Variants in CDH22 observed in about 807,000 individuals in gnomAD.
CDH22 encodes cadherin 22, also known as cadherin-22.
CDH22 carries 30 observed loss-of-function variants against 58.4 expected under a neutral mutation model. That is an observed-to-expected ratio of 0.51 (90% CI 0.38 to 0.70). The LOEUF (loss-of-function observed/expected upper bound fraction) is 0.70, where lower values mean the gene tolerates loss of function less well. Ranked by LOEUF, CDH22 falls within the 30% of genes least tolerant of loss-of-function variation. The pLI is 0.00. For synonymous variants in CDH22, 513 were observed against 558.2 expected (o/e 0.92, Z 1.14); for missense variants, 1,014 against 1,233.9 (o/e 0.82, Z 2.67).
intron 7 of CDH22, among the ~76,000 whole-genome samples, chr20:46,200,099 G>C (rs112971251): frequency 0.053 from 8,038 of 151,818 alleles, 303 homozygotes; most frequent in Middle Eastern, 0.12. Flanking sequence ...TCAGTCTCCC[G>C]AGTAGCTGGG....
intron 10 of CDH22, among the ~76,000 whole-genome samples, chr20:46,181,590 C>T (rs189390293): frequency 8.0e-5 from 12 of 149,828 alleles, no homozygotes; most frequent in Admixed American, 4.0e-4. Flanking sequence ...CCCTTCCTTC[C>T]CTTCCTTCCC....
intron 1 of CDH22, among the ~76,000 whole-genome samples, chr20:46,286,411 T>C (rs1290429348): frequency 6.6e-6 from 1 of 152,126 alleles, no homozygotes; most frequent in Non-Finnish European, 1.5e-5. Context: ...CTTTAAAAAG[T>C]GCGGACCGAC....
intron 1 of CDH22, among the ~76,000 whole-genome samples, chr20:46,269,081 C>T (rs1244705425): frequency 1.3e-5 from 2 of 152,176 alleles, no homozygotes; most frequent in Non-Finnish European, 2.9e-5. Context: ...CCCTGTGACC[C>T]CTCAGAAGGG....
chr20:46,187,732 A>G (rs2085836485), intron 8 of CDH22, among the ~76,000 whole-genome samples: 1 of 151,724 alleles, frequency 6.6e-6, no homozygotes, highest in Admixed American at 6.6e-5. Flanking sequence ...GGCCCCCAAC[A>G]ACACTGTCAT....
chr20:46,221,530 C>G (rs2086125741), intron 4 of CDH22, among the ~76,000 whole-genome samples: 1 of 152,146 alleles, frequency 6.6e-6, no homozygotes, highest in Admixed American at 6.5e-5. Flanking sequence ...GACTGTGTTC[C>G]AGGACAGTAA....
chr20:46,186,166 G>A (rs934332586), intron 10 of CDH22, among the ~76,000 whole-genome samples: 6 of 145,786 alleles, frequency 4.1e-5, no homozygotes, highest in African/African-American at 1.6e-4. Flanking sequence ...ACGAGCCACT[G>A]CACTCCAGCC....
chr20:46,273,459 C>T (rs2086502196), intron 1 of CDH22, among the ~76,000 whole-genome samples: 2 of 152,108 alleles, frequency 1.3e-5, no homozygotes, highest in South Asian at 4.1e-4. Flanking sequence ...ATGGCTAATC[C>T]CTAGGACTTT....
chr20:46,252,529 A>G (rs1469940409), intron 1 of CDH22, among the ~76,000 whole-genome samples: 4 of 152,236 alleles, frequency 2.6e-5, no homozygotes, highest in Non-Finnish European at 5.9e-5. Flanking sequence ...TCAAGCCATA[A>G]GATGAATAAT....
At chr20:46,177,622 C>T (rs2085750415) in intron 11 of CDH22, among the ~76,000 whole-genome samples, 1 of 152,146 alleles carries the variant, frequency 6.6e-6, no homozygotes, top group African/African-American at 2.4e-5. Context: ...TTCACAAGAG[C>T]CCTTTTTACT....
At position 46,210,200 on chromosome 20, in the gene CDH22, C is replaced by T. The variant is rs374003685; in HGVS notation, c.1286+107G>A. On this transcript the variant is annotated intron_variant, in intron 7 of 11. Transcript: ENST00000537909. This position sits in a 1 kb window ranked among gnomAD's most constrained non-coding sequence, Gnocchi z 4.5. Reference sequence around the variant, plus strand: ...CCTCCCTCCCCCACGCAGCCCCTTCCTTCGGCCCTGCCCGCCCCAGCCCTC... The same window carrying T: ...CCTCCCTCCCCCACGCAGCCCCTTCTTTCGGCCCTGCCCGCCCCAGCCCTC... 1 of 1,195,344 alleles carries T rather than the reference C, an allele frequency of 8.4e-7. No homozygotes were observed. 74.0% of individuals were successfully genotyped at this position (1,195,344 alleles called of 1,614,324 possible). A position where few individuals can be genotyped will look rare whatever the true frequency, so the allele number is the denominator to read the frequency against.
chr20:46,291,425 A>T (rs2086602066), intron 1 of CDH22, among the ~76,000 whole-genome samples: 1 of 152,228 alleles, frequency 6.6e-6, no homozygotes, highest in Non-Finnish European at 1.5e-5. Flanking sequence ...TGTGATGGGT[A>T]CTACCATAAT....
At chr20:46,291,914 CTA>C (rs2086605355) in intron 1 of CDH22, among the ~76,000 whole-genome samples, 1 of 152,236 alleles carries the variant, frequency 6.6e-6, no homozygotes, top group South Asian at 2.1e-4. Flanking sequence ...TTCTTGGCCT[CTA>C]CCCATTGAAT....
chr20:46,251,436 G>T lies in CDH22; in HGVS notation c.-142C>A. 1 of 1,001,950 alleles carries T rather than the reference G, an allele frequency of 1.0e-6. No individual in the cohort carries two copies. Among genetic ancestry groups the T allele is most frequent in the Non-Finnish European group, 1.3e-6 (1 of 761,958 alleles). The allele number at this position is 1,001,950 out of a possible 1,614,324, so 62.1% of individuals were successfully genotyped here. ...GGATGTCGCCCCCGACGGGGCACCC[G>T]GACGGGCCCGCGGCCCTGAACGCCG... is the stretch of plus-strand genomic sequence containing the variant. On this transcript the variant is annotated 5_prime_UTR_variant, in exon 2 of 12. Coordinates refer to ENST00000537909, the MANE Select transcript of CDH22 (RefSeq NM_021248.3). The surrounding 1 kb of genome is among the most constrained non-coding windows in gnomAD (Gnocchi z 6.7).
chr20:46,305,407 C>T (rs945098962), intron 1 of CDH22, among the ~76,000 whole-genome samples: 13 of 152,188 alleles, frequency 8.5e-5, no homozygotes, highest in African/African-American at 2.9e-4. Flanking sequence ...GGGCATGAGG[C>T]TTTTCTCTCT....
intron 1 of CDH22, among the ~76,000 whole-genome samples, chr20:46,261,510 G>T (rs1166243627): frequency 6.6e-6 from 1 of 152,208 alleles, no homozygotes; most frequent in Admixed American, 6.5e-5. Flanking sequence ...AGGGGAAAGG[G>T]TAGTTCAGGA....
intron 3 of CDH22, among the ~76,000 whole-genome samples, chr20:46,236,588 TATATA>T (rs921093280): frequency 1.1e-4 from 16 of 142,884 alleles, no homozygotes; most frequent in Non-Finnish European, 2.3e-4. Context: ...ATAAATATAA[TATATA>T]ATATATTATA....
At chr20:46,287,283 T>C (rs1379528662) in intron 1 of CDH22, among the ~76,000 whole-genome samples, 1 of 152,234 alleles carries the variant, frequency 6.6e-6, no homozygotes, top group Non-Finnish European at 1.5e-5. Context: ...AATATTCCTC[T>C]GATCATTTAC....
intron 10 of CDH22, among the ~76,000 whole-genome samples, chr20:46,186,078 G>A (rs1448669232): frequency 2.0e-5 from 3 of 151,890 alleles, no homozygotes; most frequent in African/African-American, 7.3e-5. Context: ...GCTGGGCATG[G>A]TGGCACACAT....
chr20:46,299,363 C>T (rs2086641409), intron 1 of CDH22, among the ~76,000 whole-genome samples: 1 of 152,234 alleles, frequency 6.6e-6, no homozygotes, highest in South Asian at 2.1e-4. Context: ...TTCGACCAGA[C>T]AGAGTCAAGC....
Sources: gnomAD v4.1 joint callset for allele counts (sites outside exome capture counted in the v4.1 genomes callset) on GRCh38, gnomAD v4.1.1 for gene constraint, Gnocchi (gnomAD v3.1) non-coding constraint, MANE v1.5 for transcripts, NCBI Gene and HGNC (gene_info 2026-07-23, HGNC 2026-07-21) for gene names.